CCDC93: variants seen among roughly 807,000 people sequenced by gnomAD.
CCDC93 encodes coiled-coil domain-containing protein 93.
In CCDC93, 61 loss-of-function variants were observed where a neutral mutation model predicts 108.2. That is an observed-to-expected ratio of 0.56 (90% CI 0.46 to 0.70). The LOEUF (loss-of-function observed/expected upper bound fraction) is 0.70. CCDC93 is among the 30% of genes least tolerant of loss of function. CCDC93 has a pLI of 0.00. For synonymous variants in CCDC93, 276 were observed against 260.4 expected (o/e 1.06, Z -0.58); for missense variants, 685 against 764.2 (o/e 0.90, Z 1.22).
In CCDC93 at chr2:117,927,664, C is replaced by T. The variant is rs530661848; in HGVS notation, c.1842+3373G>A. Among the ~76,000 whole-genome samples the T allele has an allele frequency of 8.3e-4, 126 of 152,164 alleles. 1 individual carries two copies. Among genetic ancestry groups the T allele is most frequent in the East Asian group, 2.7e-3 (14 of 5,170 alleles). On this transcript the variant is annotated intron_variant, in intron 23 of 23. Transcript: ENST00000376300. ...TCTTATGGGTAGGAAGAATCAATATCGTGAAAATGGCCATACTGCCCAAGG... is the reference window on the plus strand; with the variant it reads ...TCTTATGGGTAGGAAGAATCAATATTGTGAAAATGGCCATACTGCCCAAGG...
chr2:117,981,849 C>G (rs1036385198), intron 7 of CCDC93, among the ~76,000 whole-genome samples: 1 of 152,128 alleles, frequency 6.6e-6, no homozygotes, highest in South Asian at 2.1e-4. Flanking sequence ...CTGGACACCA[C>G]AATTCTAGAA....
intron 17 of CCDC93, chr2:117,944,817 C>T (rs1462086101): frequency 2.1e-6 from 1 of 470,970 alleles, no homozygotes; most frequent in Non-Finnish European, 4.4e-6. Context: ...TACGAGGGTA[C>T]AAAGGGAAGA....
At chr2:117,927,529 A>C (rs1201273063) in intron 23 of CCDC93, among the ~76,000 whole-genome samples, 1 of 152,208 alleles carries the variant, frequency 6.6e-6, no homozygotes, top group Non-Finnish European at 1.5e-5. Flanking sequence ...CAAAGAGAAT[A>C]AAATATCTAG....
intron 9 of CCDC93, 97 bp from the exon 10 acceptor site, chr2:117,974,997 T>G: frequency 1.7e-6 from 2 of 1,161,214 alleles, no homozygotes. Context: ...TATCCAAGGG[T>G]GTCTTCCTTG....
intron 3 of CCDC93, among the ~76,000 whole-genome samples, chr2:118,002,160 A>G (rs6728388): frequency 0.97 from 147,650 of 152,300 alleles, 71,759 homozygotes; most frequent in Middle Eastern, 1. Context: ...AGGTAAACAA[A>G]GGTCACTTAG....
rs900638776 is a variant in CCDC93 at position 117,975,012 on chromosome 2, C to T, written c.751-112G>A. The T allele has an allele frequency of 2.1e-5, 23 of 1,090,304 alleles. 1 individual carries two copies. In the African/African-American group the frequency reaches 2.6e-4, roughly 12 times the overall value. The allele number at this position is 1,090,304 out of a possible 1,614,324, so 67.5% of individuals were successfully genotyped here. A position where few individuals can be genotyped will look rare whatever the true frequency, so the allele number is the denominator to read the frequency against. On this transcript the variant is annotated intron_variant, in intron 9 of 23. Coordinates refer to ENST00000376300, the MANE Select transcript of CCDC93 (RefSeq NM_019044.5). ...TATCCAAGGGTGTCTTCCTTGATCT[C>T]GTCTTATGTGAGCCTCAAAGGCAGG...
chr2:117,939,888 G>A (rs1678644510), intron 19 of CCDC93, among the ~76,000 whole-genome samples: 1 of 152,222 alleles, frequency 6.6e-6, no homozygotes, highest in African/African-American at 2.4e-5. Flanking sequence ...AGGCCAAGAT[G>A]CAGATGTGCA....
At chr2:117,975,164 A>T in intron 9 of CCDC93, 24 bp downstream of exon 9, 1 of 1,590,218 alleles carries the variant, frequency 6.3e-7, no homozygotes, top group Non-Finnish European at 8.6e-7. Context: ...CAGAAACCTC[A>T]GAGGGCCTAC....
chr2:117,928,914 G>A (rs566301419), intron 23 of CCDC93, among the ~76,000 whole-genome samples: 19 of 152,264 alleles, frequency 1.2e-4, no homozygotes, highest in Admixed American at 4.6e-4. Flanking sequence ...TATACACCAC[G>A]GAATACTATG....
chr2:117,945,164 C>G (rs1678826690), intron 17 of CCDC93, among the ~76,000 whole-genome samples: 1 of 152,182 alleles, frequency 6.6e-6, no homozygotes, highest in Non-Finnish European at 1.5e-5. Context: ...GTATATAGTA[C>G]AACAGAGAGA....
chr2:117,918,670 C>T lies in CCDC93; in HGVS notation c.*1673G>A, dbSNP rs553873113. ...GTCAAACTTCTGTCTCCTTCCCCTG[C>T]CCTCAGAGTGCCACCTGTTCTTTTG... On this transcript the variant is annotated 3_prime_UTR_variant, in exon 24 of 24. Coordinates refer to ENST00000376300, the MANE Select transcript of CCDC93 (RefSeq NM_019044.5). 1 of 152,266 alleles carries T rather than the reference C, an allele frequency of 6.6e-6. No homozygotes were observed. Among genetic ancestry groups the T allele is most frequent in the African/African-American group, 2.4e-5 (1 of 41,460 alleles). 9.4% of individuals were successfully genotyped at this position (152,266 alleles called of 1,614,324 possible). A position where few individuals can be genotyped will look rare whatever the true frequency, so the allele number is the denominator to read the frequency against.
At chr2:118,013,357 G>A (rs1316616249) in intron 1 of CCDC93, among the ~76,000 whole-genome samples, 1 of 152,228 alleles carries the variant, frequency 6.6e-6, no homozygotes, top group Non-Finnish European at 1.5e-5. Flanking sequence ...CGAACGCCCC[G>A]GCGCGCTGAC....
At chr2:117,959,964 G>A (rs1679335271) in intron 11 of CCDC93, among the ~76,000 whole-genome samples, 1 of 152,146 alleles carries the variant, frequency 6.6e-6, no homozygotes, top group South Asian at 2.1e-4. Flanking sequence ...GGAAAGACCA[G>A]CCCCACTCTA....
intron 5 of CCDC93, 176 bp from the exon 6 acceptor site, chr2:117,995,678 C>T: frequency 1.7e-6 from 1 of 592,560 alleles, no homozygotes; most frequent in Admixed American, 2.9e-5. Context: ...ACAAACCCTG[C>T]AGATGGCTCC....
rs1676939029 is a variant in CCDC93 at position 118,008,594 on chromosome 2, G to A, written c.107C>T (p.Ala36Val). ...KLTEILELLV[A>V]AGYFRARIKG... ...AATTCTTGCCCTGAAATACCCAGCT[G>A]CAACCAAGAGCTCCAGAATTTCAGT... Residue 36 changes from alanine to valine, a missense_variant, in exon 2 of 24, where the codon GCA becomes GTA. Ala to Val is a moderately conservative substitution (Grantham distance 64). Transcript: ENST00000376300. 6.2e-7 allele frequency: 1 copy of A among 1,613,630 alleles called. No homozygotes were observed. Among genetic ancestry groups the A allele is most frequent in the East Asian group, 2.2e-5 (1 of 44,876 alleles).
intron 6 of CCDC93, among the ~76,000 whole-genome samples, chr2:117,990,542 A>G (rs1214028661): frequency 2.0e-5 from 3 of 152,198 alleles, no homozygotes; most frequent in South Asian, 2.1e-4. Context: ...ATCTTGACCA[A>G]TTCCACTTCA....
chr2:117,926,011 A>AATGAC (rs1215081925), intron 23 of CCDC93, among the ~76,000 whole-genome samples: 1 of 152,244 alleles, frequency 6.6e-6, no homozygotes, highest in East Asian at 1.9e-4. Context: ...CCTGCTCCTG[A>AATGAC]ATGACTACAG....
chr2:117,944,822 G>T (rs970197100), intron 17 of CCDC93: 1 of 470,930 alleles, frequency 2.1e-6, no homozygotes, highest in Non-Finnish European at 4.4e-6. Flanking sequence ...GGGTACAAAG[G>T]GAAGAGGAAC....
intron 3 of CCDC93, among the ~76,000 whole-genome samples, chr2:118,005,877 T>C (rs1290392797): frequency 6.6e-6 from 1 of 152,026 alleles, no homozygotes; most frequent in Non-Finnish European, 1.5e-5. Context: ...ATAAAGTAAA[T>C]TGCAACATTC....
Sources: gnomAD v4.1 joint callset for allele counts (sites outside exome capture counted in the v4.1 genomes callset) on GRCh38, gnomAD v4.1.1 for gene constraint, MANE v1.5 for transcripts, NCBI Gene and HGNC (gene_info 2026-07-23, HGNC 2026-07-21) for gene names.